Variants in CECR2 observed in about 807,000 individuals in gnomAD.
CECR2 encodes CECR2 histone acetyl-lysine reader, also known as chromatin remodeling regulator CECR2.
CECR2 carries 30 observed loss-of-function variants against 154.5 expected under a neutral mutation model. That is an observed-to-expected ratio of 0.19 (90% CI 0.15 to 0.26). The LOEUF (loss-of-function observed/expected upper bound fraction) is 0.26, where lower values mean the gene tolerates loss of function less well. Among genes scored for constraint, CECR2 ranks in the 10% least tolerant of loss-of-function variants. The pLI, the probability that CECR2 is intolerant of heterozygous loss-of-function variation, is 1.00. For synonymous variants in CECR2, 725 were observed against 683.7 expected (o/e 1.06, Z -0.94); for missense variants, 1,743 against 1,829.3 (o/e 0.95, Z 0.86).
chr22:17,370,063 G>A (rs2063036515), intron 1 of CECR2, among the ~76,000 whole-genome samples, 154 bp downstream of exon 1: 1 of 151,322 alleles, frequency 6.6e-6, no homozygotes, highest in Admixed American at 6.6e-5. Context: ...GGGCAGGAGG[G>A]CGGGCGGGGG....
chr22:17,451,844 T>C (rs549325592), intron 1 of CECR2, among the ~76,000 whole-genome samples: 1 of 152,208 alleles, frequency 6.6e-6, no homozygotes, highest in Non-Finnish European at 1.5e-5. Context: ...TCCATAGCTA[T>C]TTTTTACTTC....
chr22:17,511,634 A>T (rs1349655222), intron 7 of CECR2, among the ~76,000 whole-genome samples, 179 bp from the exon 8 acceptor site: 1 of 151,906 alleles, frequency 6.6e-6, no homozygotes. Flanking sequence ...AAGAGAATAA[A>T]CTGGCTTCTG....
intron 2 of CECR2, among the ~76,000 whole-genome samples, chr22:17,485,444 A>G (rs2055402677): frequency 6.6e-6 from 1 of 152,182 alleles, no homozygotes; most frequent in Admixed American, 6.5e-5. Flanking sequence ...AAATCATAAG[A>G]TTACACCCGA....
intron 1 of CECR2, among the ~76,000 whole-genome samples, chr22:17,376,677 C>T (rs1368742471): frequency 9.6e-5 from 14 of 146,554 alleles, no homozygotes; most frequent in Non-Finnish European, 1.8e-4. Context: ...CTTGCTTTGT[C>T]GCCCAGGCTG....
At chr22:17,471,336 T>C (rs2055123648) in intron 1 of CECR2, among the ~76,000 whole-genome samples, 1 of 152,158 alleles carries the variant, frequency 6.6e-6, no homozygotes, top group South Asian at 2.1e-4. Context: ...TTGTCCAGTA[T>C]ACTAGTCACC....
At chr22:17,452,833 T>C (rs1012038209) in intron 1 of CECR2, among the ~76,000 whole-genome samples, 26 of 152,044 alleles carry the variant, frequency 1.7e-4, no homozygotes, top group African/African-American at 1.5e-4. Flanking sequence ...GTGAGATCAC[T>C]AGGGAGGGAG....
At chr22:17,459,929 G>A (rs139728222) in intron 1 of CECR2, among the ~76,000 whole-genome samples, 191 of 152,340 alleles carry the variant, frequency 1.3e-3, no homozygotes, top group Non-Finnish European at 2.3e-3. Context: ...AGGGCCACAT[G>A]TATTTATACC....
At chr22:17,383,053 C>T (rs2063217911) in intron 1 of CECR2, among the ~76,000 whole-genome samples, 2 of 152,048 alleles carry the variant, frequency 1.3e-5, no homozygotes, top group South Asian at 4.2e-4. Context: ...GGTGAAACCC[C>T]ATCTCTACTA....
chr22:17,450,923 ATTATTACAGTTCTCTAC>A (rs1332223255), intron 1 of CECR2, among the ~76,000 whole-genome samples: 1 of 152,106 alleles, frequency 6.6e-6, no homozygotes, highest in African/African-American at 2.4e-5. Flanking sequence ...TCATACCTGG[ATTATTACAGTTCTCTAC>A]TCACTGGTCC....
intron 1 of CECR2, among the ~76,000 whole-genome samples, chr22:17,393,647 C>T (rs534406908): frequency 2.3e-4 from 35 of 152,328 alleles, no homozygotes; most frequent in Admixed American, 6.5e-4. Context: ...GTTCCAGTTT[C>T]TCCACATCCT....
Position 17,540,771 on chromosome 22 carries a change from C to T in CECR2, c.1855C>T (p.Pro619Ser). 6 of 1,588,806 alleles carry T rather than the reference C, an allele frequency of 3.8e-6. No homozygotes were observed. The East Asian group carries it at 6.7e-5, about 18-fold the overall frequency. Residue 619 changes from proline to serine, a missense_variant, in exon 14 of 19, where the codon CCC becomes TCC. By Grantham distance (74) the Pro-to-Ser change is moderately conservative. Transcript: ENST00000262608. ...TCATCCCCTGCATTGTGGTGGGACACCCAGCCAGGCACCCTTTTTAAACCA... is the reference window on the plus strand; with the variant it reads ...TCATCCCCTGCATTGTGGTGGGACATCCAGCCAGGCACCCTTTTTAAACCA... ...FSHPLHCGGT[P>S]SQAPFLNQMR...
At chr22:17,462,372 A>AT (rs58250684) in intron 1 of CECR2, among the ~76,000 whole-genome samples, 3,855 of 150,192 alleles carry the variant, frequency 0.026, 152 homozygotes, top group African/African-American at 0.088. Flanking sequence ...AATAATAATA[A>AT]AAAAAAAAGA....
chr22:17,444,472 C>G (rs574362134), intron 1 of CECR2, among the ~76,000 whole-genome samples: 5 of 152,174 alleles, frequency 3.3e-5, no homozygotes, highest in African/African-American at 1.2e-4. Flanking sequence ...ACTAAAGATA[C>G]ACAATATTAG....
chr22:17,376,637 T>G (rs2063121982), intron 1 of CECR2, among the ~76,000 whole-genome samples: 1 of 146,694 alleles, frequency 6.8e-6, no homozygotes, highest in African/African-American at 2.7e-5. Flanking sequence ...ACATTTTCTT[T>G]TTTTTTGTTT....
chr22:17,390,227 T>C (rs150586655), intron 1 of CECR2, among the ~76,000 whole-genome samples: 77 of 152,270 alleles, frequency 5.1e-4, no homozygotes, highest in Admixed American at 1.2e-3. Context: ...TAAAAGCCAT[T>C]CATTCTATTG....
At chr22:17,445,858 G>C (rs1474176981) in intron 1 of CECR2, among the ~76,000 whole-genome samples, 3 of 152,122 alleles carry the variant, frequency 2.0e-5, no homozygotes, top group Admixed American at 1.3e-4. Flanking sequence ...CTCCCAAAGT[G>C]CTGGGACCCT....
chr22:17,549,795 T>TG lies in CECR2; in HGVS notation c.4277+231_4277+232insG, dbSNP rs1555935242. 6.0e-3 allele frequency among the ~76,000 whole-genome samples: 885 copies of TG among 148,032 alleles called. 44 individuals carry two copies. Among genetic ancestry groups the TG allele is most frequent in the Admixed American group, 0.054 (792 of 14,676 alleles). On this transcript the variant is annotated intron_variant, in intron 17 of 18. Coordinates refer to ENST00000262608, the MANE Select transcript of CECR2 (RefSeq NM_001290047.2). ...CAGCTAACTTTTTGGTTTTTTTTTTTTTTTTTTTTTGGTGGAGGTAGGGTT... is the reference window on the plus strand; with the variant it reads ...CAGCTAACTTTTTGGTTTTTTTTTTTGTTTTTTTTTTGGTGGAGGTAGGGTT...
rs1304939038 is a variant in CECR2, at chr22:17,548,232, C to T, written c.2945C>T (p.Thr982Ile). 14 of 1,597,144 alleles carry T rather than the reference C, an allele frequency of 8.8e-6. No individual in the cohort carries two copies. Among genetic ancestry groups the T allele is most frequent in the East Asian group, 2.3e-5 (1 of 43,888 alleles). Residue 982 changes from threonine to isoleucine, a missense_variant, in exon 17 of 19, where the codon ACA becomes ATA. By Grantham distance (89) the Thr-to-Ile change is moderately conservative. Transcript: ENST00000262608. ...GVYLTQLPHP[T>I]PPLQTDCTRQ... ...TACCTCACACAACTACCTCACCCCA[C>T]ACCTCCCCTGCAGACTGACTGCACC... is the stretch of plus-strand genomic sequence containing the variant.
In CECR2 at chr22:17,540,623, C is replaced by T; in HGVS notation, c.1707C>T (p.Pro569=). 6.2e-7 allele frequency: 1 copy of T among 1,613,890 alleles called. No individual in the cohort carries two copies. The change falls in exon 14 of 19, where the codon CCC becomes CCT. Residue 569 remains proline, a synonymous_variant. Transcript: ENST00000262608. ...DPEGSSRKQQ[P]MENGGKSLPP... Reference sequence around the variant, plus strand: ...AAGGGTCCAGCAGGAAACAGCAGCCCATGGAGAATGGAGGAAAGTCGTTGC... The same window carrying T: ...AAGGGTCCAGCAGGAAACAGCAGCCTATGGAGAATGGAGGAAAGTCGTTGC...
Sources: gnomAD v4.1 joint callset for allele counts (sites outside exome capture counted in the v4.1 genomes callset) on GRCh38, gnomAD v4.1.1 for gene constraint, MANE v1.5 for transcripts, NCBI Gene and HGNC (gene_info 2026-07-23, HGNC 2026-07-21) for gene names.